Variants in TSPAN14 observed in about 807,000 individuals in gnomAD.
TSPAN14 encodes the protein tetraspanin 14.
TSPAN14 carries 16 observed loss-of-function variants against 36.6 expected under a neutral mutation model. The ratio of observed to expected loss-of-function variants is 0.44; its 90% confidence interval spans 0.30 to 0.66. The LOEUF is 0.66. Ranked by LOEUF, TSPAN14 falls within the 30% of genes least tolerant of loss-of-function variation. The pLI is 0.12. For missense variants in TSPAN14, 231 were observed against 355.1 expected (o/e 0.65, Z 2.81); for synonymous variants, 139 against 143.8 (o/e 0.97, Z 0.24).
At chr10:80,520,222 A>C in exon 9 of TSPAN14, 1 of 207,548 alleles carries the variant, frequency 4.8e-6, no homozygotes, top group Non-Finnish European at 9.8e-6. Flanking sequence ...GGCCTGACCC[A>C]TCTATTCCTG....
intron 5 of TSPAN14, among the ~76,000 whole-genome samples, chr10:80,511,390 A>G (rs1291595366): frequency 6.6e-6 from 1 of 152,110 alleles, no homozygotes; most frequent in Non-Finnish European, 1.5e-5. Context: ...CTCAGGGAGG[A>G]AGAACACTGC....
At chr10:80,494,854 T>C (rs1848108210) in intron 2 of TSPAN14, among the ~76,000 whole-genome samples, 1 of 152,234 alleles carries the variant, frequency 6.6e-6, no homozygotes, top group Non-Finnish European at 1.5e-5. Flanking sequence ...TAATCAACTT[T>C]TGTAATTTCG....
exon 9 of TSPAN14, chr10:80,519,314 T>C (rs1052631): frequency 0.094 from 14,333 of 152,752 alleles, 675 homozygotes; most frequent in East Asian, 0.13. Context: ...AGGGCTTTTC[T>C]GGGGCTGCTC....
chr10:80,465,809 C>A (rs928760263), intron 1 of TSPAN14, among the ~76,000 whole-genome samples: 3 of 152,134 alleles, frequency 2.0e-5, no homozygotes, highest in Non-Finnish European at 2.9e-5. Context: ...TTATTTTGGT[C>A]CTTATGGTTG....
Position 80,512,362 on chromosome 10 carries a change from T to G in TSPAN14, c.576+93T>G, listed in dbSNP as rs1019248825. On this transcript the variant is annotated intron_variant, in intron 6 of 8. Coordinates refer to ENST00000429989, the Ensembl canonical transcript of TSPAN14. ...TCCAGTGCTCTAGGATACTTCTCTGTCATGGAGGTCTGAGGAGCAGGTGTG... is the reference window on the plus strand; with the variant it reads ...TCCAGTGCTCTAGGATACTTCTCTGGCATGGAGGTCTGAGGAGCAGGTGTG... The G allele has an allele frequency of 1.1e-5, 16 of 1,521,386 alleles. No individual in the cohort carries two copies. In the African/African-American group the frequency reaches 2.1e-4, roughly 20 times the overall value. The allele number at this position is 1,521,386 out of a possible 1,614,324, so 94.2% of individuals were successfully genotyped here.
intron 2 of TSPAN14, among the ~76,000 whole-genome samples, chr10:80,502,480 G>A (rs565207307): frequency 2.0e-5 from 3 of 152,300 alleles, no homozygotes; most frequent in East Asian, 3.9e-4. Context: ...AGACACTGGA[G>A]GAAAGCTGGT....
intron 1 of TSPAN14, among the ~76,000 whole-genome samples, chr10:80,465,651 T>G (rs1400485495): frequency 6.6e-6 from 1 of 152,216 alleles, no homozygotes; most frequent in Non-Finnish European, 1.5e-5. Context: ...GTCTCACCTG[T>G]TTTGGGCCAC....
intron 1 of TSPAN14, among the ~76,000 whole-genome samples, chr10:80,478,419 CAG>C (rs940769849): frequency 6.6e-6 from 1 of 152,116 alleles, no homozygotes; most frequent in African/African-American, 2.4e-5. Context: ...AAAGGGAAAA[CAG>C]AGAAGAAGGC....
intron 1 of TSPAN14, among the ~76,000 whole-genome samples, chr10:80,486,403 C>G (rs912826731): frequency 2.6e-5 from 4 of 152,224 alleles, no homozygotes; most frequent in African/African-American, 9.6e-5. Context: ...GCAAAGGCCC[C>G]GGGCAGGGGA....
At chr10:80,514,906 T>G (rs764512125) in intron 7 of TSPAN14, among the ~76,000 whole-genome samples, 12 of 152,154 alleles carry the variant, frequency 7.9e-5, no homozygotes, top group Non-Finnish European at 1.5e-4. Context: ...AGAGAGCTTA[T>G]TTGTCACTCC....
chr10:80,473,686 T>G (rs1469060116), intron 1 of TSPAN14, among the ~76,000 whole-genome samples: 131 of 128,822 alleles, frequency 1.0e-3, no homozygotes, highest in African/African-American at 3.6e-3. Context: ...CCATGATGGG[T>G]TTTTTTTTTT....
chr10:80,463,484 T>C (rs929382796), intron 1 of TSPAN14, among the ~76,000 whole-genome samples: 13 of 152,238 alleles, frequency 8.5e-5, no homozygotes, highest in African/African-American at 2.7e-4. Context: ...ACCCCAGTGG[T>C]ATACTAATTA....
At chr10:80,497,629 C>G (rs1848264408) in intron 2 of TSPAN14, among the ~76,000 whole-genome samples, 1 of 152,192 alleles carries the variant, frequency 6.6e-6, no homozygotes, top group African/African-American at 2.4e-5. Flanking sequence ...GGGGGGTTCC[C>G]TCTCTCCTGG....
chr10:80,484,724 A>G (rs1183747989), intron 1 of TSPAN14, among the ~76,000 whole-genome samples: 1 of 152,034 alleles, frequency 6.6e-6, no homozygotes, highest in African/African-American at 2.4e-5. Flanking sequence ...TTTTAATGTT[A>G]CTTTTATTCA....
At chr10:80,504,754 C>T (rs754677696) in exon 3 of TSPAN14, 41 of 1,614,028 alleles carry the variant, frequency 2.5e-5, no homozygotes, top group African/African-American at 1.9e-4. Flanking sequence ...TCCTTGGAGT[C>T]GGGCTGTGGG....
At chr10:80,480,220 A>G (rs942625853) in intron 1 of TSPAN14, among the ~76,000 whole-genome samples, 3 of 150,910 alleles carry the variant, frequency 2.0e-5, no homozygotes, top group African/African-American at 7.4e-5. Context: ...TTCTAGATAT[A>G]CAATCATGTC....
chr10:80,513,073 T>A (rs896198390), intron 6 of TSPAN14, among the ~76,000 whole-genome samples: 1 of 152,138 alleles, frequency 6.6e-6, no homozygotes, highest in African/African-American at 2.4e-5. Context: ...AATTTTTGTA[T>A]TTTTTGTAGA....
intron 3 of TSPAN14, among the ~76,000 whole-genome samples, chr10:80,505,136 C>T (rs776075820): frequency 2.9e-4 from 44 of 152,184 alleles, no homozygotes; most frequent in Non-Finnish European, 8.8e-5. Context: ...TTGTGGAAGC[C>T]CTTATCCTCC....
chr10:80,500,969 T>G (rs932810141), intron 2 of TSPAN14, among the ~76,000 whole-genome samples: 1 of 152,220 alleles, frequency 6.6e-6, no homozygotes, highest in Non-Finnish European at 1.5e-5. Context: ...AGACCAAAAT[T>G]CCTTTTGTGA....
Sources: gnomAD v4.1 joint callset for allele counts (sites outside exome capture counted in the v4.1 genomes callset) on GRCh38, gnomAD v4.1.1 for gene constraint, MANE v1.5 for transcripts, NCBI Gene and HGNC (gene_info 2026-07-23, HGNC 2026-07-21) for gene names.